Variants in AGL observed in about 807,000 individuals in gnomAD.
AGL encodes glycogen debranching enzyme.
Under a neutral mutation model 199.3 loss-of-function variants are expected in AGL, and 128 were observed. That is an observed-to-expected ratio of 0.64 (90% CI 0.56 to 0.74). AGL has a LOEUF of 0.74. AGL is among the 30% of genes least tolerant of loss of function. The pLI is 0.00. For missense variants in AGL, 1,809 were observed against 1,820.8 expected (o/e 0.99, Z 0.12); for synonymous variants, 584 against 594.7 (o/e 0.98, Z 0.26).
In AGL at chr1:99,854,482, G is replaced by T. The variant is rs150883407; in HGVS notation, c.82+3358G>T. ...ATTTTGTTTTAGAAGATAATTTGAA[G>T]CCGGGTGCGGTGGCTCACGCCTGTA... On this transcript the variant is annotated intron_variant, in intron 2 of 33. Transcript: ENST00000361915. 3.0e-3 allele frequency among the ~76,000 whole-genome samples: 459 copies of T among 152,278 alleles called. 3 individuals carry two copies. Among genetic ancestry groups the T allele is most frequent in the African/African-American group, 0.011 (450 of 41,544 alleles).
chr1:99,880,195 C>A, intron 13 of AGL, 149 bp downstream of exon 13: 1 of 1,271,904 alleles, frequency 7.9e-7, no homozygotes, highest in Non-Finnish European at 1.1e-6. Flanking sequence ...TCTAATATAA[C>A]TCAGTCTATT....
chr1:99,857,060 GGC>G (rs1649546407), intron 2 of AGL, among the ~76,000 whole-genome samples: 1 of 151,538 alleles, frequency 6.6e-6, no homozygotes. Flanking sequence ...CGGCTGGCCG[GGC>G]AGGGGGCTGA....
At chr1:99,877,353 G>T (rs1450309741) in intron 11 of AGL, among the ~76,000 whole-genome samples, 1 of 152,056 alleles carries the variant, frequency 6.6e-6, no homozygotes, top group East Asian at 1.9e-4. Context: ...GTTTTAAAAG[G>T]CCTATGATAT....
At chr1:99,913,898 C>T (rs1165049217) in intron 30 of AGL, among the ~76,000 whole-genome samples, 160 bp downstream of exon 30, 3 of 152,128 alleles carry the variant, frequency 2.0e-5, no homozygotes, top group Non-Finnish European at 2.9e-5. Context: ...AAGTATTATG[C>T]GTATCACTTT....
At chr1:99,918,859 A>G (rs1655316195) in intron 33 of AGL, among the ~76,000 whole-genome samples, 1 of 152,140 alleles carries the variant, frequency 6.6e-6, no homozygotes, top group African/African-American at 2.4e-5. Context: ...TGTGTTCCCT[A>G]CCCTGTATTT....
chr1:99,876,446 A>G lies in AGL; in HGVS notation c.1284-12A>G, dbSNP rs886044918. 6.5e-7 allele frequency: 1 copy of G among 1,541,158 alleles called. No homozygotes were observed. The highest frequency in any genetic ancestry group is 1.2e-5 in the South Asian group (1 of 86,234). ...CTTTGTATGGATTTAATATTTAATTATATTTTCATAGGTATTTTACTTTCC... is the reference window on the plus strand; with the variant it reads ...CTTTGTATGGATTTAATATTTAATTGTATTTTCATAGGTATTTTACTTTCC... On this transcript the variant is annotated splice_polypyrimidine_tract_variant and intron_variant, in intron 10 of 33. Transcript: ENST00000361915.
At chr1:99,884,798 C>A (rs1652327491) in intron 20 of AGL, 95 bp downstream of exon 20, 1 of 1,453,098 alleles carries the variant, frequency 6.9e-7, no homozygotes, top group Non-Finnish European at 9.6e-7. Flanking sequence ...TATATCCTTG[C>A]TACTCAAAGT....
chr1:99,862,740 T>G (rs1650160725), intron 4 of AGL, among the ~76,000 whole-genome samples: 1 of 152,042 alleles, frequency 6.6e-6, no homozygotes, highest in Non-Finnish European at 1.5e-5. Flanking sequence ...CCAGATCTTG[T>G]GAAAACTCAC....
intron 2 of AGL, among the ~76,000 whole-genome samples, chr1:99,858,517 T>C (rs928345545): frequency 1.3e-5 from 2 of 152,218 alleles, no homozygotes; most frequent in African/African-American, 4.8e-5. Flanking sequence ...CATGAATGGA[T>C]GTGGCTGTGT....
At chr1:99,904,011 G>T (rs1287432886) in intron 27 of AGL, among the ~76,000 whole-genome samples, 1 of 152,096 alleles carries the variant, frequency 6.6e-6, no homozygotes, top group East Asian at 1.9e-4. Context: ...GATAACTGAA[G>T]CAGAGTAGCT....
At chr1:99,868,020 A>T (rs1400885482) in intron 5 of AGL, among the ~76,000 whole-genome samples, 2 of 152,176 alleles carry the variant, frequency 1.3e-5, no homozygotes, top group African/African-American at 4.8e-5. Flanking sequence ...GTTTCTTCTT[A>T]TGCTGAATGC....
intron 7 of AGL, chr1:99,874,452 T>A: frequency 2.4e-6 from 1 of 422,260 alleles, no homozygotes; most frequent in East Asian, 4.2e-5. Flanking sequence ...TTTTATGTTA[T>A]TTTTGTCTCT....
Position 99,892,545 on chromosome 1 carries a change from T to C in AGL, c.3197T>C (p.Val1066Ala). The change falls in exon 24 of 34, where the codon GTA becomes GCA. Residue 1066 changes from valine (V) to alanine (A), a missense_variant. Physicochemically the swap from Val to Ala is moderately conservative, Grantham distance 64. Coordinates refer to ENST00000361915, the MANE Select transcript of AGL (RefSeq NM_000642.3). ...ATTCTTTCACCTGCCCTAATGGATG[T>C]ACCTTATAGGTTAAATGAGATCACA... Reference protein sequence around the residue: ...LPILSPALMDVPYRLNEITKE... With the variant: ...LPILSPALMDAPYRLNEITKE... The C allele has an allele frequency of 6.2e-7, 1 of 1,613,702 alleles. No homozygotes were observed. The highest frequency in any genetic ancestry group is 8.5e-7 in the Non-Finnish European group (1 of 1,179,734).
In AGL at chr1:99,919,932, A is replaced by G. The variant is rs190195570; in HGVS notation, c.4482-1602A>G. On this transcript the variant is annotated intron_variant, in intron 33 of 33. Transcript: ENST00000361915. ...CTCTTGGACTCTAACATCCTGCTCC[A>G]TACTACCTATTACCCTTTCCCCTCC... Among the ~76,000 whole-genome samples the G allele has an allele frequency of 2.1e-3, 326 of 152,292 alleles. 5 individuals are homozygous for G. The South Asian group carries it at 0.025, about 12-fold the overall frequency.
intron 27 of AGL, among the ~76,000 whole-genome samples, chr1:99,903,137 A>AT (rs1416008952): frequency 2.0e-5 from 3 of 151,746 alleles, no homozygotes; most frequent in East Asian, 1.9e-4. Context: ...TATTGTTTCC[A>AT]TTTTTTTTAA....
At chr1:99,895,195 C>T (rs539221814) in intron 24 of AGL, among the ~76,000 whole-genome samples, 1 of 152,230 alleles carries the variant, frequency 6.6e-6, no homozygotes, top group East Asian at 1.9e-4. Context: ...ATTACAGGCA[C>T]CCACTACCAC....
Position 99,923,085 on chromosome 1 carries a change from T to C in AGL, c.*1434T>C, listed in dbSNP as rs141864701. The C allele has an allele frequency of 2.6e-4, 40 of 152,262 alleles. No homozygotes were observed. Among genetic ancestry groups the C allele is most frequent in the African/African-American group, 8.9e-4 (37 of 41,584 alleles). The allele number at this position is 152,262 out of a possible 1,614,324, so 9.4% of individuals were successfully genotyped here. On this transcript the variant is annotated 3_prime_UTR_variant, in exon 34 of 34. Transcript: ENST00000361915. ...CTCTTCTTCAAAGCTGACCTTGCTT[T>C]AGAAATAGTTTTAACTAGCTTAGTT...
Position 99,887,209 on chromosome 1 carries a change from G to C in AGL, c.2682-769G>C, listed in dbSNP as rs548053019. On this transcript the variant is annotated intron_variant, in intron 20 of 33. Coordinates refer to ENST00000361915, the MANE Select transcript of AGL (RefSeq NM_000642.3). ...TGTGTTCACATAAAATAGCAGTCAT[G>C]TAAAATGAAATTACCTGAGCATCTA... is the stretch of plus-strand genomic sequence containing the variant. Among the ~76,000 whole-genome samples, 9 of 152,320 alleles carry C rather than the reference G, an allele frequency of 5.9e-5. No individual in the cohort carries two copies. In the South Asian group the frequency reaches 1.9e-3, roughly 32 times the overall value.
At chr1:99,859,235 A>C (rs72725945) in intron 2 of AGL, among the ~76,000 whole-genome samples, 3,681 of 152,234 alleles carry the variant, frequency 0.024, 68 homozygotes, top group South Asian at 0.072. Context: ...ATTTTACTTC[A>C]TGTTTTAATT....
Sources: allele counts gnomAD v4.1 joint callset (sites outside exome capture counted in the v4.1 genomes callset), GRCh38; gene constraint gnomAD v4.1.1; transcripts MANE v1.5; gene names NCBI Gene and HGNC (gene_info 2026-07-23, HGNC 2026-07-21).